Variants in IFNG-AS1 observed in about 807,000 individuals in gnomAD.
IFNG-AS1 encodes IFNG antisense RNA 1 (non-protein coding).
intron 3 of IFNG-AS1, among the ~76,000 whole-genome samples, chr12:68,009,813 T>C (rs1879985491): frequency 6.6e-6 from 1 of 152,140 alleles, no homozygotes; most frequent in South Asian, 2.1e-4. Context: ...ATCCAGTGTG[T>C]AGAGATACAC....
chr12:67,994,237 T>C (rs1879582487), intron 1 of IFNG-AS1, among the ~76,000 whole-genome samples: 1 of 152,214 alleles, frequency 6.6e-6, no homozygotes, highest in Non-Finnish European at 1.5e-5. Flanking sequence ...AGAAGAGCCA[T>C]GGCCCTCAGT....
chr12:68,013,931 C>T (rs962747296), intron 3 of IFNG-AS1, among the ~76,000 whole-genome samples: 1 of 152,082 alleles, frequency 6.6e-6, no homozygotes, highest in African/African-American at 2.4e-5. Context: ...GTCTTTTACC[C>T]CTCGCTCCCC....
intron 3 of IFNG-AS1, among the ~76,000 whole-genome samples, chr12:68,016,925 C>T (rs1200848644): frequency 2.6e-5 from 4 of 152,178 alleles, no homozygotes; most frequent in African/African-American, 9.7e-5. Flanking sequence ...ATGCAGCAGG[C>T]ATAATCCCTA....
intron 3 of IFNG-AS1, among the ~76,000 whole-genome samples, chr12:68,018,728 A>C (rs928586565): frequency 3.3e-5 from 5 of 152,078 alleles, no homozygotes; most frequent in Non-Finnish European, 5.9e-5. Context: ...AGGCATGCTC[A>C]GGCTTGTTTG....
chr12:68,015,948 G>A (rs1170409617), intron 3 of IFNG-AS1, among the ~76,000 whole-genome samples: 1 of 151,552 alleles, frequency 6.6e-6, no homozygotes, highest in East Asian at 1.9e-4. Context: ...AGAGACGGGG[G>A]GGGGAAAAAA....
intron 2 of IFNG-AS1, among the ~76,000 whole-genome samples, chr12:68,005,011 T>TGAGGTGACATTTATAG (rs1423548386): frequency 6.6e-6 from 1 of 152,196 alleles, no homozygotes; most frequent in Non-Finnish European, 1.5e-5. Flanking sequence ...ATATCCTTTC[T>TGAGGTGACATTTATAG]GAGGTGACAT....
At chr12:68,017,902 G>T (rs1880192198) in intron 3 of IFNG-AS1, among the ~76,000 whole-genome samples, 1 of 152,150 alleles carries the variant, frequency 6.6e-6, no homozygotes, top group South Asian at 2.1e-4. Flanking sequence ...GGTATTGTAA[G>T]ATATTAATCT....
At chr12:68,008,818 G>T (rs1163504116) in intron 3 of IFNG-AS1, among the ~76,000 whole-genome samples, 1 of 152,144 alleles carries the variant, frequency 6.6e-6, no homozygotes, top group Non-Finnish European at 1.5e-5. Context: ...ATTCTGTTAA[G>T]GAGATCTCAG....
chr12:67,990,740 C>T (rs982121257), intron 1 of IFNG-AS1, among the ~76,000 whole-genome samples: 5 of 152,054 alleles, frequency 3.3e-5, no homozygotes, highest in Non-Finnish European at 7.4e-5. Context: ...TTACAGGTGC[C>T]TGTCACCATG....
At chr12:68,006,397 A>G (rs778630790) in intron 3 of IFNG-AS1, among the ~76,000 whole-genome samples, 1 of 152,208 alleles carries the variant, frequency 6.6e-6, no homozygotes, top group Non-Finnish European at 1.5e-5. Flanking sequence ...CAAATTCCAG[A>G]TTTTTTTATA....
chr12:68,008,626 G>A (rs2120457080), intron 3 of IFNG-AS1, among the ~76,000 whole-genome samples: 1 of 152,248 alleles, frequency 6.6e-6, no homozygotes, highest in South Asian at 2.1e-4. Context: ...GAGGTTGGTA[G>A]GAGGCTTCTC....
chr12:67,990,485 T>G (rs1479862751), intron 1 of IFNG-AS1, among the ~76,000 whole-genome samples: 1 of 152,252 alleles, frequency 6.6e-6, no homozygotes, highest in African/African-American at 2.4e-5. Flanking sequence ...AGCTTTGTTT[T>G]GCTTGTAGTA....
intron 3 of IFNG-AS1, among the ~76,000 whole-genome samples, chr12:68,017,734 T>C (rs1880188419): frequency 6.6e-6 from 1 of 152,164 alleles, no homozygotes; most frequent in African/African-American, 2.4e-5. Context: ...AGGCTCAATC[T>C]AGAGAGGTGG....
At chr12:68,018,102 C>A (rs907260670) in intron 3 of IFNG-AS1, among the ~76,000 whole-genome samples, 1 of 152,076 alleles carries the variant, frequency 6.6e-6, no homozygotes, top group Admixed American at 6.6e-5. Flanking sequence ...AAACCACCAC[C>A]CATCCAAGCC....
intron 3 of IFNG-AS1, among the ~76,000 whole-genome samples, chr12:68,013,285 A>G (rs2120469333): frequency 6.6e-6 from 1 of 152,302 alleles, no homozygotes; most frequent in Non-Finnish European, 1.5e-5. Context: ...CTCTCAATGC[A>G]TTGGTGGAGG....
chr12:68,008,879 G>A (rs576404414), intron 3 of IFNG-AS1, among the ~76,000 whole-genome samples: 137 of 152,182 alleles, frequency 9.0e-4, no homozygotes, highest in Non-Finnish European at 1.7e-3. Flanking sequence ...CCATCCAGCT[G>A]GTGTTCCAAT....
At chr12:67,995,146 G>A (rs191980672) in intron 1 of IFNG-AS1, among the ~76,000 whole-genome samples, 5 of 152,132 alleles carry the variant, frequency 3.3e-5, no homozygotes, top group Middle Eastern at 3.4e-3. Context: ...AGGGTGGGCT[G>A]AGAGTGGTGG....
chr12:68,009,137 G>A lies in IFNG-AS1; in HGVS notation n.241+2991G>A, dbSNP rs749927286. ...GTAAAGATTAAAAACATCCTACATT[G>A]TAAGGTTCTTGTGAGACTGAAATAA... On this transcript the variant is annotated intron_variant and non_coding_transcript_variant, in intron 3 of 5. Coordinates refer to ENST00000536914, the Ensembl canonical transcript of IFNG-AS1. Among the ~76,000 whole-genome samples the A allele has an allele frequency of 2.6e-5, 4 of 152,148 alleles. No homozygotes were observed. The East Asian group carries it at 5.8e-4, about 22-fold the overall frequency.
intron 3 of IFNG-AS1, among the ~76,000 whole-genome samples, chr12:68,018,378 A>ACAATCATAAT: frequency 6.6e-6 from 1 of 152,130 alleles, no homozygotes; most frequent in South Asian, 2.1e-4. Flanking sequence ...ACTCTCAGGG[A>ACAATCATAAT]ACTCATCTCA....
Sources: gnomAD v4.1 joint callset for allele counts (sites outside exome capture counted in the v4.1 genomes callset) on GRCh38, gnomAD v4.1.1 for gene constraint, MANE v1.5 for transcripts, NCBI Gene and HGNC (gene_info 2026-07-23, HGNC 2026-07-21) for gene names.